Variants in CD163 observed in about 807,000 individuals in gnomAD.
The protein encoded by CD163 is scavenger receptor cysteine-rich type 1 protein M130.
In CD163, 64 loss-of-function variants were observed where a neutral mutation model predicts 129.2. The ratio of observed to expected loss-of-function variants is 0.50; its 90% CI spans 0.41 to 0.61. The LOEUF (loss-of-function observed/expected upper bound fraction) is 0.61. Among genes scored for constraint, CD163 ranks in the 20% least tolerant of loss-of-function variants. CD163 has a pLI of 0.00. For synonymous variants in CD163, 446 were observed against 478.5 expected (o/e 0.93, Z 0.89); for missense variants, 1,061 against 1,377.9 (o/e 0.77, Z 3.64).
intron 16 of CD163, among the ~76,000 whole-genome samples, chr12:7,478,301 C>A (rs1478381123): frequency 6.6e-6 from 1 of 152,100 alleles, no homozygotes; most frequent in African/African-American, 2.4e-5. Context: ...GGCTACCTAC[C>A]ATATCTCACA....
chr12:7,490,627 C>A (rs1188017267), intron 6 of CD163, among the ~76,000 whole-genome samples: 3 of 151,934 alleles, frequency 2.0e-5, no homozygotes, highest in African/African-American at 4.8e-5. Context: ...GATATAGATA[C>A]ACCATCAGCC....
At chr12:7,493,791 T>G (rs1181464419) in intron 6 of CD163, among the ~76,000 whole-genome samples, 1 of 151,926 alleles carries the variant, frequency 6.6e-6, no homozygotes, top group Non-Finnish European at 1.5e-5. Context: ...TTTAATGAAT[T>G]AGAAAGGAAA....
Position 7,496,749 on chromosome 12 carries a change from A to C in CD163, c.1099+64T>G. ...GCACGTTCCTACTCTTAAGGAGCAC[A>C]GGACTTTCCGTTTCTGCTTTTCTTT... On this transcript the variant is annotated intron_variant, in intron 5 of 16. Coordinates refer to ENST00000432237, the MANE Select transcript of CD163 (RefSeq NM_203416.4). The surrounding 1 kb of genome is among the most constrained non-coding windows in gnomAD (Gnocchi z 4.8). 7.0e-7 allele frequency: 1 copy of C among 1,430,720 alleles called. No individual in the cohort carries two copies. The highest frequency in any genetic ancestry group is 9.8e-7 in the Non-Finnish European group (1 of 1,016,996). 88.6% of individuals were successfully genotyped at this position (1,430,720 alleles called of 1,614,324 possible). A position where few individuals can be genotyped will look rare whatever the true frequency, so the allele number is the denominator to read the frequency against.
intron 6 of CD163, among the ~76,000 whole-genome samples, chr12:7,494,683 T>G (rs1260007785): frequency 6.6e-6 from 1 of 152,168 alleles, no homozygotes; most frequent in Non-Finnish European, 1.5e-5. Context: ...CAGTGAAATA[T>G]TCACAGGTTT....
rs1949395330 is a variant in CD163, at chr12:7,496,017, C to T, written c.1100-616G>A. On this transcript the variant is annotated intron_variant, in intron 5 of 16. Coordinates refer to ENST00000432237, the MANE Select transcript of CD163 (RefSeq NM_203416.4). The surrounding 1 kb of genome is among the most constrained non-coding windows in gnomAD (Gnocchi z 4.8). ...TATAAATCATTCTACTATAAAGACA[C>T]ATGCACATGTATGTTTATTGCAGCA... is the stretch of plus-strand genomic sequence containing the variant. 6.6e-6 allele frequency among the ~76,000 whole-genome samples: 1 copy of T among 152,182 alleles called. No individual in the cohort carries two copies. The highest frequency in any genetic ancestry group is 6.5e-5 in the Admixed American group (1 of 15,270).
intron 6 of CD163, among the ~76,000 whole-genome samples, chr12:7,492,233 T>C (rs1383929142): frequency 6.6e-6 from 1 of 152,118 alleles, no homozygotes; most frequent in East Asian, 1.9e-4. Flanking sequence ...AAACAAAAAG[T>C]GCACATGGCA....
At chr12:7,500,421 C>CCAAA (rs1555079812) in intron 3 of CD163, among the ~76,000 whole-genome samples, 2 of 64,102 alleles carry the variant, frequency 3.1e-5, no homozygotes, top group African/African-American at 5.1e-5. Flanking sequence ...CAATTCGTCC[C>CCAAA]AAAAAAAAAA....
In CD163 at chr12:7,501,255, C is replaced by G. The variant is rs922269425; in HGVS notation, c.341G>C (p.Trp114Ser). ...CCCACGACAAGAAACATGATCCATC[C>G]AAATGCGTCCAGAACCTGCACTGGA... is the stretch of plus-strand genomic sequence containing the variant. ...ANSSAGSGRI[W>S]MDHVSCRGNE... The change falls in exon 3 of 17, where the codon TGG (tryptophan) becomes TCG (serine). Residue 114 changes from tryptophan (W) to serine (S), a missense_variant. Physicochemically the swap from Trp to Ser is radical, Grantham distance 177 (BLOSUM62 -3). Coordinates refer to ENST00000432237, the MANE Select transcript of CD163 (RefSeq NM_203416.4). 4 of 1,614,078 alleles carry G rather than the reference C, an allele frequency of 2.5e-6. No individual in the cohort carries two copies. Among genetic ancestry groups the G allele is most frequent in the African/African-American group, 1.3e-5 (1 of 74,934 alleles).
Position 7,495,158 on chromosome 12 carries a change from G to C in CD163, c.1343C>G (p.Ser448Cys). ...FLSSCNGNET[S>C]LWDCKNWQWG... is the part of the protein sequence containing the mutation. Reference sequence around the variant, plus strand: ...TTGCCAGTTCTTGCAGTCCCAAAGAGAAGTTTCATTTCCGTTACAGCTACT... The same window carrying C: ...TTGCCAGTTCTTGCAGTCCCAAAGACAAGTTTCATTTCCGTTACAGCTACT... Residue 448 changes from serine to cysteine, a missense_variant, in exon 6 of 17, where the codon TCT becomes TGT. By Grantham distance (112) the Ser-to-Cys change is moderately radical. Coordinates refer to ENST00000432237, the MANE Select transcript of CD163 (RefSeq NM_203416.4). 1 of 1,614,138 alleles carries C rather than the reference G, an allele frequency of 6.2e-7. No individual in the cohort carries two copies. Among genetic ancestry groups the C allele is most frequent in the African/African-American group, 1.3e-5 (1 of 75,042 alleles).
intron 11 of CD163, among the ~76,000 whole-genome samples, chr12:7,483,994 C>T (rs1240511477): frequency 6.6e-6 from 1 of 150,942 alleles, no homozygotes; most frequent in African/African-American, 2.4e-5. Context: ...GCGCCCACCA[C>T]CACACCCGGC....
At chr12:7,501,908 C>T (rs904099383) in intron 2 of CD163, among the ~76,000 whole-genome samples, 2 of 152,112 alleles carry the variant, frequency 1.3e-5, no homozygotes, top group African/African-American at 2.4e-5. Context: ...TTATTTCATA[C>T]GTATATGTAA....
chr12:7,480,731 G>T (rs187686098), intron 15 of CD163: 1 of 313,662 alleles, frequency 3.2e-6, no homozygotes, highest in Non-Finnish European at 4.6e-6. Context: ...CAGATGATGG[G>T]TGTGTTCATT....
At chr12:7,501,733 T>C (rs1215632592) in intron 2 of CD163, among the ~76,000 whole-genome samples, 6 of 152,184 alleles carry the variant, frequency 3.9e-5, no homozygotes, top group Admixed American at 3.9e-4. Context: ...GCCTTAATAG[T>C]GGCAATTTAT....
At chr12:7,479,316 T>A (rs1346404595) in intron 16 of CD163, among the ~76,000 whole-genome samples, 1 of 152,170 alleles carries the variant, frequency 6.6e-6, no homozygotes, top group Non-Finnish European at 1.5e-5. Context: ...ACGTTCAATA[T>A]ACGTTTTTGA....
In CD163 at chr12:7,493,032, T is replaced by C. The variant is rs750041568; in HGVS notation, c.1420+2049A>G. On this transcript the variant is annotated intron_variant, in intron 6 of 16. Transcript: ENST00000432237. ...ATATTTATATGCTCTTGGACTATAG[T>C]TACTTTCAGATGGCATTGGGTTATA... 2.0e-4 allele frequency among the ~76,000 whole-genome samples: 30 copies of C among 152,310 alleles called. No homozygotes were observed. In the South Asian group the frequency reaches 5.8e-3, roughly 29 times the overall value.
chr12:7,502,797 G>A, intron 1 of CD163: 1 of 566,486 alleles, frequency 1.8e-6, no homozygotes, highest in Non-Finnish European at 3.1e-6. Context: ...ATTAGCAGAA[G>A]GTTGGTGGTG....
intron 15 of CD163, 132 bp downstream of exon 15, chr12:7,481,029 C>T: frequency 1.4e-6 from 2 of 1,399,538 alleles, no homozygotes; most frequent in South Asian, 1.8e-5. Context: ...CATTCTTGTC[C>T]ATTATATGCA....
Position 7,486,722 on chromosome 12 carries a change from A to T in CD163, c.2235T>A (p.Asp745Glu). The stretch of plus-strand genomic sequence containing the variant: ...GGGCATCACTCAGGTCCCAGCTGTC[A>T]TCACAGATGGTGCCCCAGGAGCCCT... ...YHEGSWGTIC[D>E]DSWDLSDAHV... The change falls in exon 10 of 17, where the codon GAT becomes GAA. Residue 745 changes from aspartate (D) to glutamate (E), a missense_variant. Coordinates refer to ENST00000432237, the MANE Select transcript of CD163 (RefSeq NM_203416.4). 1 of 1,614,200 alleles carries T rather than the reference A, an allele frequency of 6.2e-7. No homozygotes were observed. The highest frequency in any genetic ancestry group is 8.5e-7 in the Non-Finnish European group (1 of 1,180,026).
chr12:7,484,902 C>T (rs76168566), intron 11 of CD163, among the ~76,000 whole-genome samples, 194 bp downstream of exon 11: 8,954 of 152,226 alleles, frequency 0.059, 311 homozygotes, highest in African/African-American at 0.084. Context: ...TGAATATCTA[C>T]AGGCCAAATT....
Sources: allele counts gnomAD v4.1 joint callset (sites outside exome capture counted in the v4.1 genomes callset), GRCh38; gene constraint gnomAD v4.1.1; non-coding constraint Gnocchi (gnomAD v3.1); transcripts MANE v1.5; gene names NCBI Gene and HGNC (gene_info 2026-07-23, HGNC 2026-07-21).